CADM2: variants seen among roughly 807,000 people sequenced by gnomAD.
CADM2 encodes immunoglobulin superfamily member 4D.
A neutral mutation model predicts 49.8 loss-of-function variants in CADM2; 12 were observed. The ratio of observed to expected loss-of-function variants is 0.24; its 90% CI spans 0.15 to 0.39. The LOEUF (loss-of-function observed/expected upper bound fraction) is 0.39, where lower values mean the gene tolerates loss of function less well. Among genes scored for constraint, CADM2 ranks in the 10% least tolerant of loss-of-function variants. The pLI is 1.00. For missense variants in CADM2, 378 were observed against 492.3 expected, an observed-to-expected ratio of 0.77 and a Z score of 2.20; for synonymous variants, 214 against 175.4, an observed-to-expected ratio of 1.22 and a Z score of -1.74.
At position 85,005,507 on chromosome 3, in the gene CADM2, A is replaced by C. The variant is rs7620406; in HGVS notation, c.61+45839A>C. On this transcript the variant is annotated intron_variant, in intron 1 of 9. Transcript: ENST00000383699. ...TTATTTTGTATTATTATTTTATACT[A>C]TGGGTCACAGACAGAGGACCAAACT... is the stretch of plus-strand genomic sequence containing the variant. Among the ~76,000 whole-genome samples the C allele has an allele frequency of 6.3e-3, 966 of 152,222 alleles. 15 individuals are homozygous for C. The highest frequency in any genetic ancestry group is 0.022 in the African/African-American group (924 of 41,550).
At chr3:85,836,389 C>T (rs1361105656) in intron 3 of CADM2, among the ~76,000 whole-genome samples, 2 of 151,606 alleles carry the variant, frequency 1.3e-5, no homozygotes, top group Non-Finnish European at 3.0e-5. Flanking sequence ...TTCTTTCTAT[C>T]TTCTACTGAC....
intron 1 of CADM2, among the ~76,000 whole-genome samples, chr3:85,161,909 C>G (rs929012949): frequency 6.6e-6 from 1 of 151,862 alleles, no homozygotes; most frequent in Non-Finnish European, 1.5e-5. Flanking sequence ...CCCACCTACT[C>G]GGGAGGCTGA....
chr3:85,884,550 T>C (rs1489166422), intron 4 of CADM2, among the ~76,000 whole-genome samples: 1 of 152,110 alleles, frequency 6.6e-6, no homozygotes, highest in Non-Finnish European at 1.5e-5. Context: ...AATAGATGAC[T>C]GATGAATTCA....
At chr3:85,294,259 A>G (rs1420506634) in intron 1 of CADM2, among the ~76,000 whole-genome samples, 1 of 152,204 alleles carries the variant, frequency 6.6e-6, no homozygotes, top group Non-Finnish European at 1.5e-5. Flanking sequence ...TTCAAGGAGA[A>G]CTACAAAGCA....
intron 1 of CADM2, among the ~76,000 whole-genome samples, chr3:85,563,508 A>G (rs1355974812): frequency 6.6e-6 from 1 of 151,994 alleles, no homozygotes; most frequent in African/African-American, 2.4e-5. Context: ...TATTATGGGA[A>G]TTACTATTTC....
intron 1 of CADM2, among the ~76,000 whole-genome samples, chr3:85,229,340 A>G (rs972290261): frequency 1.3e-5 from 2 of 152,102 alleles, no homozygotes; most frequent in East Asian, 3.9e-4. Flanking sequence ...TCTGGGCAGG[A>G]TCCTACTGGT....
intron 1 of CADM2, among the ~76,000 whole-genome samples, chr3:85,469,594 G>T (rs1228343914): frequency 6.6e-6 from 1 of 152,176 alleles, no homozygotes; most frequent in East Asian, 1.9e-4. Flanking sequence ...GAAAGGGGGA[G>T]AAATACAATT....
intron 1 of CADM2, among the ~76,000 whole-genome samples, chr3:85,441,668 AC>A (rs2037208489): frequency 6.6e-6 from 1 of 152,074 alleles, no homozygotes; most frequent in South Asian, 2.1e-4. Context: ...ACAACCACAT[AC>A]CTCAAACATA....
chr3:86,019,716 G>T (rs1732862718), intron 8 of CADM2, among the ~76,000 whole-genome samples: 1 of 152,012 alleles, frequency 6.6e-6, no homozygotes, highest in African/African-American at 2.4e-5. Context: ...TGTGATTTTT[G>T]TACATTGATT....
intron 3 of CADM2, among the ~76,000 whole-genome samples, chr3:85,828,906 A>G (rs2074051050): frequency 6.6e-6 from 1 of 151,980 alleles, no homozygotes; most frequent in African/African-American, 2.4e-5. Context: ...AGAAAATCTG[A>G]AATATGAAGT....
intron 6 of CADM2, among the ~76,000 whole-genome samples, chr3:85,919,540 A>T (rs1718825913): frequency 6.6e-6 from 1 of 151,908 alleles, no homozygotes; most frequent in Non-Finnish European, 1.5e-5. Context: ...TTGTTACTAA[A>T]ATTATATCTT....
chr3:85,657,579 T>A (rs1239797673), intron 1 of CADM2, among the ~76,000 whole-genome samples: 1 of 151,350 alleles, frequency 6.6e-6, no homozygotes, highest in Non-Finnish European at 1.5e-5. Context: ...TTCATGTATA[T>A]CTAGATGGAT....
At chr3:85,890,770 T>C (rs1445031106) in intron 5 of CADM2, among the ~76,000 whole-genome samples, 1 of 152,132 alleles carries the variant, frequency 6.6e-6, no homozygotes, top group African/African-American at 2.4e-5. Context: ...GATCCTGAGA[T>C]TCCTATTTTC....
chr3:86,042,700 A>T (rs377151429), intron 8 of CADM2, among the ~76,000 whole-genome samples: 1 of 152,172 alleles, frequency 6.6e-6, no homozygotes, highest in South Asian at 2.1e-4. Flanking sequence ...ATCAATAGAA[A>T]AAGAGGGAAT....
chr3:85,100,417 A>C (rs1159422747), intron 1 of CADM2, among the ~76,000 whole-genome samples: 1 of 152,178 alleles, frequency 6.6e-6, no homozygotes, highest in African/African-American at 2.4e-5. Context: ...TAAATATTCA[A>C]CATTTTCCAA....
intron 1 of CADM2, among the ~76,000 whole-genome samples, chr3:85,578,817 G>C (rs2107283799): frequency 6.6e-6 from 1 of 152,162 alleles, no homozygotes; most frequent in South Asian, 2.1e-4. Flanking sequence ...TGTTGCTATT[G>C]ATATCAACTT....
chr3:85,237,619 G>A (rs578118538), intron 1 of CADM2, among the ~76,000 whole-genome samples: 9 of 151,266 alleles, frequency 5.9e-5, no homozygotes, highest in Non-Finnish European at 1.2e-4. Context: ...ATGTTGTATG[G>A]ATAGTACAAA....
chr3:85,282,957 C>A (rs1280093411), intron 1 of CADM2, among the ~76,000 whole-genome samples: 1 of 151,940 alleles, frequency 6.6e-6, no homozygotes, highest in South Asian at 2.1e-4. Context: ...TCCTAAATAC[C>A]CTGACTTCAT....
chr3:85,679,638 A>G (rs1051725941), intron 1 of CADM2, among the ~76,000 whole-genome samples: 1 of 152,128 alleles, frequency 6.6e-6, no homozygotes, highest in Non-Finnish European at 1.5e-5. Flanking sequence ...CATGTTTGAC[A>G]ATCTTTCCGA....
Sources: gnomAD v4.1 joint callset for allele counts (sites outside exome capture counted in the v4.1 genomes callset) on GRCh38, gnomAD v4.1.1 for gene constraint, MANE v1.5 for transcripts, NCBI Gene and HGNC (gene_info 2026-07-23, HGNC 2026-07-21) for gene names.